Variants in CHUK observed in about 807,000 individuals in gnomAD.
CHUK encodes the protein inhibitor of nuclear factor kappa-B kinase subunit alpha.
Under a neutral mutation model 104.8 loss-of-function variants are expected in CHUK, and 35 were observed. The ratio of observed to expected loss-of-function variants is 0.33; its 90% CI spans 0.26 to 0.44. The LOEUF is 0.44. Among genes scored for constraint, CHUK ranks in the 20% least tolerant of loss-of-function variants. CHUK has a pLI of 1.00. For synonymous variants in CHUK, 276 were observed against 291.9 expected (o/e 0.95, Z 0.56); for missense variants, 663 against 902.7 (o/e 0.73, Z 3.40).
At position 100,219,376 on chromosome 10, in the gene CHUK, C is replaced by T. The variant is rs1845933657; in HGVS notation, c.475-17G>A. 4 of 1,266,426 alleles carry T rather than the reference C, an allele frequency of 3.2e-6. No homozygotes were observed. The South Asian group carries it at 4.8e-5, about 15-fold the overall frequency. 78.4% of individuals were successfully genotyped at this position (1,266,426 alleles called of 1,614,324 possible). A position where few individuals can be genotyped will look rare whatever the true frequency, so the allele number is the denominator to read the frequency against. On this transcript the variant is annotated splice_polypyrimidine_tract_variant and intron_variant, in intron 5 of 20. Coordinates refer to ENST00000370397, the MANE Select transcript of CHUK (RefSeq NM_001278.5). ...ATGTATTATCTGCAAAATAATAAGACAGATTAAGTATTAAATGGTAGAGAA... is the reference window on the plus strand; with the variant it reads ...ATGTATTATCTGCAAAATAATAAGATAGATTAAGTATTAAATGGTAGAGAA...
intron 20 of CHUK, 75 bp from the exon 21 acceptor site, chr10:100,189,702 A>G (rs1430174284): frequency 1.9e-6 from 2 of 1,049,966 alleles, no homozygotes; most frequent in African/African-American, 3.1e-5. Flanking sequence ...CATTTTTGCA[A>G]GTTTTCTGTT....
chr10:100,200,637 G>A, intron 15 of CHUK, 34 bp downstream of exon 15: 3 of 969,134 alleles, frequency 3.1e-6, no homozygotes, highest in Non-Finnish European at 5.1e-6. Context: ...AAATATTACA[G>A]ATGTCAAGAC....
In CHUK at chr10:100,218,097, C is replaced by A. The variant is rs61732515; in HGVS notation, c.831G>T (p.Gln277His). 2.5e-6 allele frequency: 4 copies of A among 1,613,036 alleles called. No individual in the cohort carries two copies. The highest frequency in any genetic ancestry group is 2.5e-6 in the Non-Finnish European group (3 of 1,179,030). The change falls in exon 9 of 21, where the codon CAG becomes CAT. Residue 277 changes from glutamine (Q) to histidine (H), a missense_variant. Transcript: ENST00000370397. ...LVVEPMENWL[Q>H]LMLNWDPQQR... ...GCTGAGGGTCCCAATTCAACATCAA[C>A]TGTAGCCAGTTTTCCATGGGTTCTA...
At chr10:100,226,349 C>T (rs1564842717) in intron 1 of CHUK, among the ~76,000 whole-genome samples, 1 of 152,106 alleles carries the variant, frequency 6.6e-6, no homozygotes, top group Admixed American at 6.5e-5. Flanking sequence ...AGAGCTTAAT[C>T]AAGACAACTA....
chr10:100,222,227 G>A, intron 3 of CHUK, 46 bp from the exon 4 acceptor site: 1 of 995,300 alleles, frequency 1.0e-6, no homozygotes. Flanking sequence ...AAATTGCTGG[G>A]CTGCAATAGT....
intron 16 of CHUK, among the ~76,000 whole-genome samples, chr10:100,197,362 A>G (rs1420546967): frequency 1.3e-5 from 2 of 152,090 alleles, no homozygotes; most frequent in African/African-American, 4.8e-5. Context: ...CTCTACATCA[A>G]CTTTTAGCTA....
At chr10:100,226,278 A>G (rs1846104113) in intron 1 of CHUK, among the ~76,000 whole-genome samples, 1 of 151,980 alleles carries the variant, frequency 6.6e-6, no homozygotes, top group African/African-American at 2.4e-5. Flanking sequence ...TCTTTTCAGA[A>G]CTCTCTCTCA....
chr10:100,229,329 A>G, intron 1 of CHUK, 99 bp downstream of exon 1: 1 of 896,444 alleles, frequency 1.1e-6, no homozygotes. Flanking sequence ...CCAAGGTCCC[A>G]CCAACCATCT....
intron 2 of CHUK, among the ~76,000 whole-genome samples, chr10:100,224,140 T>A (rs1044001155): frequency 2.6e-5 from 4 of 152,110 alleles, no homozygotes; most frequent in Non-Finnish European, 5.9e-5. Flanking sequence ...GAGGAAAAGA[T>A]CTTTCTGGGG....
At chr10:100,191,536 C>G (rs774308261) in intron 19 of CHUK, among the ~76,000 whole-genome samples, 11 of 152,166 alleles carry the variant, frequency 7.2e-5, no homozygotes, top group Non-Finnish European at 1.5e-4. Context: ...GGTGGGGGAG[C>G]TACCCAGAAC....
At chr10:100,214,333 T>A (rs2134237502) in intron 9 of CHUK, among the ~76,000 whole-genome samples, 1 of 152,306 alleles carries the variant, frequency 6.6e-6, no homozygotes, top group East Asian at 1.9e-4. Context: ...TACCTTATGA[T>A]CCTTGCCTTC....
chr10:100,193,360 C>A lies in CHUK; in HGVS notation c.2046G>T (p.Trp682Cys), dbSNP rs1845248111. The change falls in exon 19 of 21, where the codon TGG becomes TGT. Residue 682 changes from tryptophan to cysteine, a missense_variant. Transcript: ENST00000370397. ...CATGTTCTGCTGAAGTCGGGGGCAGCCATGCTGATGTCTGAGGGGTTACTG... is the reference window on the plus strand; with the variant it reads ...CATGTTCTGCTGAAGTCGGGGGCAGACATGCTGATGTCTGAGGGGTTACTG... ...EGAVTPQTSAWLPPTSAEHDH... is the reference protein window; with the variant it reads ...EGAVTPQTSACLPPTSAEHDH... 1.2e-6 allele frequency: 2 copies of A among 1,613,970 alleles called. No homozygotes were observed. Among genetic ancestry groups the A allele is most frequent in the African/African-American group, 1.3e-5 (1 of 74,924 alleles).
Position 100,200,762 on chromosome 10 carries a change from G to T in CHUK, c.1588C>A (p.Leu530Met). The T allele has an allele frequency of 6.3e-7, 1 of 1,596,304 alleles. No individual in the cohort carries two copies. The highest frequency in any genetic ancestry group is 8.6e-7 in the Non-Finnish European group (1 of 1,164,570). ...HYAEVGVIGY[L>M]EDQIMSLHAE... ...TGCAAAGACATAATCTGATCCTCCA[G>T]GTATCCAATGACACCAACCTAAAAT... Residue 530 changes from leucine to methionine, a missense_variant, in exon 15 of 21, where the codon CTG becomes ATG. Leu to Met is a conservative substitution (Grantham distance 15, BLOSUM62 2). Transcript: ENST00000370397.
chr10:100,193,975 A>T lies in CHUK; in HGVS notation c.1974+9T>A. On this transcript the variant is annotated intron_variant, in intron 18 of 20. Coordinates refer to ENST00000370397, the MANE Select transcript of CHUK (RefSeq NM_001278.5). ...TGTCACATTAAATAATTCATTAATAATTACTTACACAGGCAATTTTAAGGA... is the reference window on the plus strand; with the variant it reads ...TGTCACATTAAATAATTCATTAATATTTACTTACACAGGCAATTTTAAGGA... 6.2e-7 allele frequency: 1 copy of T among 1,610,744 alleles called. No homozygotes were observed. Among genetic ancestry groups the T allele is most frequent in the African/African-American group, 1.3e-5 (1 of 74,996 alleles).
At chr10:100,210,329 C>T (rs946545243) in intron 9 of CHUK, among the ~76,000 whole-genome samples, 10 of 151,708 alleles carry the variant, frequency 6.6e-5, no homozygotes, top group Non-Finnish European at 1.2e-4. Flanking sequence ...CCTCGTGATC[C>T]GCCCGCCTCG....
At chr10:100,213,512 G>A (rs891023213) in intron 9 of CHUK, among the ~76,000 whole-genome samples, 9 of 151,410 alleles carry the variant, frequency 5.9e-5, no homozygotes, top group Admixed American at 2.0e-4. Flanking sequence ...AATTAAAAGC[G>A]TATTAACAAT....
chr10:100,198,820 A>G (rs767450862), intron 16 of CHUK, among the ~76,000 whole-genome samples: 2 of 152,224 alleles, frequency 1.3e-5, no homozygotes, highest in Non-Finnish European at 2.9e-5. Context: ...GTGTAAAAGT[A>G]TATCTTTTTT....
At chr10:100,228,826 A>G (rs1340786468) in intron 1 of CHUK, among the ~76,000 whole-genome samples, 5 of 152,008 alleles carry the variant, frequency 3.3e-5, no homozygotes, top group Non-Finnish European at 1.5e-5. Flanking sequence ...GTTTGAAGCC[A>G]TGCTCTGCAC....
chr10:100,210,093 T>TTATTTATTTA (rs1491110452), intron 9 of CHUK, among the ~76,000 whole-genome samples: 2 of 103,514 alleles, frequency 1.9e-5, no homozygotes, highest in African/African-American at 6.7e-5. Context: ...ATTTATTTAT[T>TTATTTATTTA]TTTTTTTTTT....
Sources: gnomAD v4.1 joint callset for allele counts (sites outside exome capture counted in the v4.1 genomes callset) on GRCh38, gnomAD v4.1.1 for gene constraint, MANE v1.5 for transcripts, NCBI Gene and HGNC (gene_info 2026-07-23, HGNC 2026-07-21) for gene names.